HMBOX1: variants seen among roughly 807,000 people sequenced by gnomAD.
HMBOX1 encodes homeobox containing 1, also known as homeobox-containing protein 1.
A neutral mutation model predicts 54.5 loss-of-function variants in HMBOX1; 14 were observed. The ratio of observed to expected loss-of-function variants is 0.26; its 90% CI spans 0.17 to 0.40. The LOEUF is 0.40. HMBOX1 is among the 10% of genes least tolerant of loss of function. The probability of loss-of-function intolerance (pLI) is 1.00; values close to 1 mark genes in which losing one functional copy is unlikely to be tolerated. For synonymous variants in HMBOX1, 160 were observed against 181.0 expected, an observed-to-expected ratio of 0.88 and a Z score of 0.93; for missense variants, 332 against 514.4, an observed-to-expected ratio of 0.65 and a Z score of 3.43.
intron 1 of HMBOX1, among the ~76,000 whole-genome samples, chr8:28,942,006 T>A (rs1821515873): frequency 6.6e-6 from 1 of 152,160 alleles, no homozygotes; most frequent in Non-Finnish European, 1.5e-5. Context: ...GGGAAGTCCA[T>A]CCGCCCTCAG....
At chr8:28,943,485 A>T (rs1357460714) in intron 1 of HMBOX1, among the ~76,000 whole-genome samples, 3 of 152,188 alleles carry the variant, frequency 2.0e-5, no homozygotes, top group Admixed American at 1.3e-4. Context: ...GGTGATAAGA[A>T]TGTCTTCCTT....
chr8:28,991,661 A>AT (rs1830999572), intron 4 of HMBOX1, among the ~76,000 whole-genome samples: 1 of 152,226 alleles, frequency 6.6e-6, no homozygotes, highest in Admixed American at 6.5e-5. Flanking sequence ...GGACTAGAAT[A>AT]TGCTATTTTC....
At chr8:28,906,946 G>A (rs997202975) in intron 1 of HMBOX1, among the ~76,000 whole-genome samples, 1 of 152,182 alleles carries the variant, frequency 6.6e-6, no homozygotes, top group Admixed American at 6.5e-5. Context: ...AAGTGATCAA[G>A]ATGGTAAATT....
At chr8:28,935,161 T>C (rs941376133) in intron 1 of HMBOX1, among the ~76,000 whole-genome samples, 1 of 152,162 alleles carries the variant, frequency 6.6e-6, no homozygotes, top group African/African-American at 2.4e-5. Flanking sequence ...TGTTGATGGA[T>C]CAGAAGACTC....
intron 6 of HMBOX1, among the ~76,000 whole-genome samples, chr8:29,025,981 G>A (rs1259920561): frequency 5.3e-5 from 8 of 150,524 alleles, no homozygotes; most frequent in African/African-American, 1.2e-4. Flanking sequence ...CATCATGAAC[G>A]GAAATGAGGA....
At chr8:28,986,753 T>C (rs1830222400) in intron 4 of HMBOX1, among the ~76,000 whole-genome samples, 1 of 152,230 alleles carries the variant, frequency 6.6e-6, no homozygotes, top group Non-Finnish European at 1.5e-5. Flanking sequence ...ACAGATGTTA[T>C]TCCAGGGTTC....
chr8:29,044,063 TTAAA>T (rs1034352655), intron 6 of HMBOX1, among the ~76,000 whole-genome samples: 1 of 151,702 alleles, frequency 6.6e-6, no homozygotes, highest in African/African-American at 2.4e-5. Flanking sequence ...TCAGATGAGG[TTAAA>T]TAAATAAATA....
intron 3 of HMBOX1, among the ~76,000 whole-genome samples, chr8:28,973,820 T>G (rs899213767): frequency 1.5e-5 from 2 of 132,932 alleles, no homozygotes; most frequent in African/African-American, 6.0e-5. Context: ...TTTTTTTTTT[T>G]TTTTTTTTTT....
At chr8:28,930,232 T>G (rs1479981563) in intron 1 of HMBOX1, among the ~76,000 whole-genome samples, 1 of 152,086 alleles carries the variant, frequency 6.6e-6, no homozygotes, top group Non-Finnish European at 1.5e-5. Context: ...CTGCCATCCT[T>G]CTCCTAGTAA....
At chr8:29,027,264 G>A (rs911706380) in intron 6 of HMBOX1, among the ~76,000 whole-genome samples, 5 of 152,116 alleles carry the variant, frequency 3.3e-5, no homozygotes. Context: ...CTGTCCATTT[G>A]TTCATTCATT....
intron 3 of HMBOX1, among the ~76,000 whole-genome samples, chr8:28,974,408 G>T (rs1280636461): frequency 6.6e-6 from 1 of 152,082 alleles, no homozygotes; most frequent in African/African-American, 2.4e-5. Flanking sequence ...ATAGCATATA[G>T]ATACTAATGT....
chr8:28,990,571 C>A (rs897920966), intron 4 of HMBOX1, among the ~76,000 whole-genome samples: 1 of 152,172 alleles, frequency 6.6e-6, no homozygotes, highest in African/African-American at 2.4e-5. Flanking sequence ...AGAATTGTCA[C>A]ATCTGTGTTC....
chr8:28,992,712 T>C (rs982077047), intron 4 of HMBOX1, among the ~76,000 whole-genome samples: 1 of 151,366 alleles, frequency 6.6e-6, no homozygotes, highest in African/African-American at 2.4e-5. Context: ...CTACTAAAAA[T>C]ACAAAAAACT....
chr8:28,904,711 C>G (rs1201450161), intron 1 of HMBOX1, among the ~76,000 whole-genome samples: 1 of 148,974 alleles, frequency 6.7e-6, no homozygotes, highest in African/African-American at 2.5e-5. Flanking sequence ...GAGTCTCGCT[C>G]TGTCACCCAG....
At chr8:28,919,339 C>A (rs1817141430) in intron 1 of HMBOX1, among the ~76,000 whole-genome samples, 1 of 152,144 alleles carries the variant, frequency 6.6e-6, no homozygotes, top group Non-Finnish European at 1.5e-5. Flanking sequence ...CAACACAATA[C>A]TGTATTTTCA....
chr8:29,016,403 T>C (rs941330707), intron 5 of HMBOX1, among the ~76,000 whole-genome samples: 5 of 152,234 alleles, frequency 3.3e-5, no homozygotes, highest in Admixed American at 2.0e-4. Context: ...CTGCCAAATT[T>C]ATACATTTGA....
intron 6 of HMBOX1, among the ~76,000 whole-genome samples, chr8:29,020,828 A>G (rs547380213): frequency 2.0e-5 from 3 of 152,332 alleles, no homozygotes; most frequent in African/African-American, 7.2e-5. Context: ...GTAAATAAAT[A>G]CATATGCATA....
At chr8:28,892,900 C>T (rs1035438355) in intron 1 of HMBOX1, among the ~76,000 whole-genome samples, 2 of 152,044 alleles carry the variant, frequency 1.3e-5, no homozygotes, top group Non-Finnish European at 2.9e-5. Flanking sequence ...AAAAATCCTA[C>T]GTAACTACTT....
chr8:28,949,901 G>C (rs943994021), intron 1 of HMBOX1: 1 of 152,214 alleles, frequency 6.6e-6, no homozygotes, highest in African/African-American at 2.4e-5. Flanking sequence ...GTTCAGAAGG[G>C]CTAAGGGACC....
Sources: allele counts gnomAD v4.1 joint callset (sites outside exome capture counted in the v4.1 genomes callset), GRCh38; gene constraint gnomAD v4.1.1; transcripts MANE v1.5; gene names NCBI Gene and HGNC (gene_info 2026-07-23, HGNC 2026-07-21).